DAB2IP: variants seen among roughly 807,000 people sequenced by gnomAD.
DAB2IP encodes the protein disabled homolog 2-interacting protein.
A neutral mutation model predicts 107.2 loss-of-function variants in DAB2IP; 28 were observed. That is an observed-to-expected ratio of 0.26 (90% confidence interval 0.19 to 0.36). DAB2IP has a LOEUF of 0.36. Ranked by LOEUF, DAB2IP falls within the 10% of genes least tolerant of loss-of-function variation. DAB2IP has a pLI of 1.00. For missense variants in DAB2IP, 1,400 were observed against 1,644.7 expected (o/e 0.85, Z 2.57); for synonymous variants, 755 against 706.4 (o/e 1.07, Z -1.09).
intron 1 of DAB2IP, among the ~76,000 whole-genome samples, chr9:121,617,160 A>G (rs1010506276): frequency 6.6e-6 from 1 of 152,128 alleles, no homozygotes; most frequent in African/African-American, 2.4e-5. Context: ...CCCTATCTCT[A>G]CTAAAAGTAC....
At position 121,676,910 on chromosome 9, in the gene DAB2IP, C is replaced by G. The variant is rs189609461; in HGVS notation, c.125-1768C>G. On this transcript the variant is annotated intron_variant, in intron 1 of 15. Coordinates refer to ENST00000408936, the Ensembl canonical transcript of DAB2IP. ...TGGGGGAACCAGTGAGGAAAGTGGCCAGGTTGGCAGGTTGGACAGACTCAG... is the reference window on the plus strand; with the variant it reads ...TGGGGGAACCAGTGAGGAAAGTGGCGAGGTTGGCAGGTTGGACAGACTCAG... Among the ~76,000 whole-genome samples, 179 of 152,262 alleles carry G rather than the reference C, an allele frequency of 1.2e-3. 1 individual carries two copies. The highest frequency in any genetic ancestry group is 4.0e-3 in the African/African-American group (167 of 41,552).
chr9:121,665,294 G>T (rs752729626), intron 1 of DAB2IP, among the ~76,000 whole-genome samples: 4 of 152,202 alleles, frequency 2.6e-5, no homozygotes, highest in African/African-American at 7.2e-5. Flanking sequence ...GATTGCTGGA[G>T]GCCAGGAGTC....
intron 3 of DAB2IP, among the ~76,000 whole-genome samples, chr9:121,707,105 C>T (rs547249529): frequency 1.4e-4 from 22 of 152,304 alleles, no homozygotes; most frequent in African/African-American, 5.1e-4. Context: ...TAGGGTTATC[C>T]CCTTGTAGAC....
At chr9:121,611,730 G>A (rs1589406118) in intron 1 of DAB2IP, among the ~76,000 whole-genome samples, 1 of 152,134 alleles carries the variant, frequency 6.6e-6, no homozygotes, top group East Asian at 1.9e-4. Flanking sequence ...GATTATAGGT[G>A]TGTGCCACCA....
At chr9:121,778,633 T>C (rs1207945910) in intron 14 of DAB2IP, among the ~76,000 whole-genome samples, 3 of 152,252 alleles carry the variant, frequency 2.0e-5, no homozygotes, top group African/African-American at 7.2e-5. Context: ...AGGGCAGGGA[T>C]TGGCAAACTT....
At chr9:121,708,356 T>C (rs1805435493) in intron 3 of DAB2IP, among the ~76,000 whole-genome samples, 1 of 152,212 alleles carries the variant, frequency 6.6e-6, no homozygotes. Flanking sequence ...ATGTCCTTTC[T>C]CATTAAGGCT....
chr9:121,742,771 T>A (rs1370341784), intron 3 of DAB2IP: 1 of 985,500 alleles, frequency 1.0e-6, no homozygotes, highest in East Asian at 1.1e-4. Flanking sequence ...TTCTCTGCTT[T>A]CACCTTCCCC....
intron 1 of DAB2IP, among the ~76,000 whole-genome samples, chr9:121,579,815 A>C (rs779483536): frequency 1.2e-4 from 18 of 152,242 alleles, no homozygotes; most frequent in Non-Finnish European, 1.9e-4. Context: ...TGCAAATCAA[A>C]GTACTTTGCA....
At chr9:121,672,913 T>G (rs1833738709) in intron 1 of DAB2IP, among the ~76,000 whole-genome samples, 1 of 152,222 alleles carries the variant, frequency 6.6e-6, no homozygotes. Context: ...AGTGTCTGTT[T>G]GCCCAAATTA....
At chr9:121,741,519 G>C (rs1272911218) in intron 3 of DAB2IP, among the ~76,000 whole-genome samples, 1 of 152,064 alleles carries the variant, frequency 6.6e-6, no homozygotes, top group Admixed American at 6.5e-5. Context: ...GGGTAGCCGA[G>C]ACAGGTTGTT....
rs1485286774 is a variant in DAB2IP at position 121,699,331 on chromosome 9, C to G, written c.235C>G (p.Leu79Val). 6.8e-7 allele frequency: 1 copy of G among 1,462,006 alleles called. No homozygotes were observed. The highest frequency in any genetic ancestry group is 9.1e-7 in the Non-Finnish European group (1 of 1,094,812). The allele number at this position is 1,462,006 out of a possible 1,614,324, so 90.6% of individuals were successfully genotyped here. ...CTTGTCCCCCCGTGCGCAGGGCTTC[C>G]TCAGCCGCCGCCTCAAGGGCTCCAT... Residue 79 changes from leucine (L) to valine (V), a missense_variant, in exon 3 of 16, where the codon CTC becomes GTC. Physicochemically the swap from Leu to Val is conservative, Grantham distance 32. Transcript: ENST00000408936. The surrounding 1 kb of genome is among the most constrained non-coding windows in gnomAD (Gnocchi z 6.2).
intron 1 of DAB2IP, among the ~76,000 whole-genome samples, chr9:121,668,213 A>G: frequency 7.4e-6 from 1 of 135,424 alleles, no homozygotes. Flanking sequence ...TTTTTTTTTG[A>G]GATGGAGTCT....
chr9:121,657,741 G>A (rs915202527), intron 1 of DAB2IP, among the ~76,000 whole-genome samples: 1 of 152,200 alleles, frequency 6.6e-6, no homozygotes, highest in Non-Finnish European at 1.5e-5. Context: ...AGCGGTTCAG[G>A]TTTTCATTCT....
chr9:121,725,315 G>T (rs1381634932), intron 3 of DAB2IP, among the ~76,000 whole-genome samples: 1 of 152,218 alleles, frequency 6.6e-6, no homozygotes, highest in Non-Finnish European at 1.5e-5. Flanking sequence ...GGGCCTGGCA[G>T]TGTCCATATT....
intron 3 of DAB2IP, among the ~76,000 whole-genome samples, chr9:121,729,616 G>C (rs1831411588): frequency 6.6e-6 from 1 of 152,296 alleles, no homozygotes; most frequent in East Asian, 1.9e-4. Flanking sequence ...GTAAACAGGT[G>C]GGAGGACTCT....
intron 3 of DAB2IP, chr9:121,753,236 C>T (rs1399037246): frequency 6.6e-6 from 1 of 152,130 alleles, no homozygotes; most frequent in Non-Finnish European, 1.5e-5. Context: ...TAGCTCAGAC[C>T]TGGGCCGTGG....
At chr9:121,596,049 G>C (rs531246561) in intron 1 of DAB2IP, among the ~76,000 whole-genome samples, 10 of 152,108 alleles carry the variant, frequency 6.6e-5, no homozygotes, top group African/African-American at 2.4e-4. Flanking sequence ...GGCCAGGCGC[G>C]GTGGCTCATG....
chr9:121,764,972 T>C (rs1834162399), intron 8 of DAB2IP, among the ~76,000 whole-genome samples: 4 of 152,180 alleles, frequency 2.6e-5, no homozygotes, highest in African/African-American at 7.2e-5. Context: ...GAGAAGTGTT[T>C]GCTGCTCCCC....
chr9:121,651,831 G>T lies in DAB2IP; in HGVS notation c.56G>T (p.Arg19Leu). 6.8e-7 allele frequency: 1 copy of T among 1,471,126 alleles called. No individual in the cohort carries two copies. The highest frequency in any genetic ancestry group is 9.0e-7 in the Non-Finnish European group (1 of 1,109,224). The allele number at this position is 1,471,126 out of a possible 1,614,324, so 91.1% of individuals were successfully genotyped here. A position where few individuals can be genotyped will look rare whatever the true frequency, so the allele number is the denominator to read the frequency against. ...ACCGGGAGGTCCTCCTACTACTACC[G>T]GCTGCTGAGGCGGCCCCGGCTGCAG... Residue 19 changes from arginine to leucine, a missense_variant, in exon 1 of 16, where the codon CGG (arginine) becomes CTG (leucine). Physicochemically the swap from Arg to Leu is moderately radical, Grantham distance 102 (BLOSUM62 -2). Transcript: ENST00000408936. The surrounding 1 kb of genome is among the most constrained non-coding windows in gnomAD (Gnocchi z 5.1).
Sources: gnomAD v4.1 joint callset for allele counts (sites outside exome capture counted in the v4.1 genomes callset) on GRCh38, gnomAD v4.1.1 for gene constraint, Gnocchi (gnomAD v3.1) non-coding constraint, MANE v1.5 for transcripts, NCBI Gene and HGNC (gene_info 2026-07-23, HGNC 2026-07-21) for gene names.